DNAJC24: variants seen among roughly 807,000 people sequenced by gnomAD.
DNAJC24 encodes the protein dnaJ homolog subfamily C member 24.
DNAJC24 carries 17 observed loss-of-function variants against 18.0 expected under a neutral mutation model. The ratio of observed to expected loss-of-function variants is 0.94; its 90% CI spans 0.65 to 1.42. The LOEUF is 1.42. Ranked by LOEUF, DNAJC24 falls within the 40% of genes most tolerant of loss-of-function variation. The pLI is 0.00. For missense variants in DNAJC24, 158 were observed against 175.6 expected (o/e 0.90, Z 0.57); for synonymous variants, 55 against 57.7 (o/e 0.95, Z 0.21).
At chr11:31,371,648 T>C (rs1274761747) in intron 2 of DNAJC24, among the ~76,000 whole-genome samples, 1 of 152,140 alleles carries the variant, frequency 6.6e-6, no homozygotes, top group Non-Finnish European at 1.5e-5. Flanking sequence ...CTGGCTATTT[T>C]GTGTTTTATA....
chr11:31,370,688 A>G, intron 1 of DNAJC24, 28 bp from the exon 2 acceptor site: 1 of 1,158,450 alleles, frequency 8.6e-7, no homozygotes, highest in South Asian at 1.5e-5. Flanking sequence ...GCAAACTGTG[A>G]TGAATTGTCA....
chr11:31,386,653 A>G lies in DNAJC24; in HGVS notation c.111+15794A>G, dbSNP rs539810409. Reference sequence around the variant, plus strand: ...AGACGCAGGGCTGTGCTGGCTTCAGATGTGACCCACCACATTTTCAGCTAT... The same window carrying G: ...AGACGCAGGGCTGTGCTGGCTTCAGGTGTGACCCACCACATTTTCAGCTAT... On this transcript the variant is annotated intron_variant, in intron 2 of 4. Coordinates refer to ENST00000465995, the MANE Select transcript of DNAJC24 (RefSeq NM_181706.5). Among the ~76,000 whole-genome samples, 7 of 151,584 alleles carry G rather than the reference A, an allele frequency of 4.6e-5. No homozygotes were observed. In the East Asian group the frequency reaches 1.2e-3, roughly 26 times the overall value.
intron 2 of DNAJC24, among the ~76,000 whole-genome samples, chr11:31,376,357 G>A (rs1408165917): frequency 6.6e-6 from 1 of 152,082 alleles, no homozygotes; most frequent in African/African-American, 2.4e-5. Context: ...TTTCTTGGTT[G>A]ATGTATCAGT....
chr11:31,423,197 A>G (rs1315527528), intron 3 of DNAJC24, among the ~76,000 whole-genome samples: 1 of 152,216 alleles, frequency 6.6e-6, no homozygotes. Flanking sequence ...CATAAATCTA[A>G]GTGTGTAGCT....
intron 2 of DNAJC24, among the ~76,000 whole-genome samples, chr11:31,412,215 G>A (rs956100373): frequency 2.0e-5 from 3 of 152,066 alleles, no homozygotes; most frequent in Non-Finnish European, 4.4e-5. Context: ...GGCTTTCTGG[G>A]TCAGATTGGT....
chr11:31,412,232 T>A (rs1434450180), intron 2 of DNAJC24, among the ~76,000 whole-genome samples: 1 of 152,152 alleles, frequency 6.6e-6, no homozygotes, highest in African/African-American at 2.4e-5. Flanking sequence ...TGGTGCATGA[T>A]CAGGCCTAAC....
Position 31,432,410 on chromosome 11 carries a change from A to G in DNAJC24, c.*2009A>G, listed in dbSNP as rs1952936069. ...TAAAAACAACTAAAACTGAATAGCA[A>G]ATAGTTTATTGGTAAGTACACGGTT... is the stretch of plus-strand genomic sequence containing the variant. On this transcript the variant is annotated 3_prime_UTR_variant, in exon 5 of 5. Coordinates refer to ENST00000465995, the MANE Select transcript of DNAJC24 (RefSeq NM_181706.5). 2.4e-6 allele frequency: 2 copies of G among 847,228 alleles called. No individual in the cohort carries two copies. Among genetic ancestry groups the G allele is most frequent in the African/African-American group, 1.7e-5 (1 of 59,132 alleles). 52.5% of individuals were successfully genotyped at this position (847,228 alleles called of 1,614,324 possible). A position where few individuals can be genotyped will look rare whatever the true frequency, so the allele number is the denominator to read the frequency against.
chr11:31,429,127 A>C (rs1952893148), intron 4 of DNAJC24, among the ~76,000 whole-genome samples: 1 of 152,032 alleles, frequency 6.6e-6, no homozygotes, highest in Non-Finnish European at 1.5e-5. Context: ...TTGCATTTGG[A>C]ATTCAAGATT....
At chr11:31,424,896 G>A (rs1344801127) in intron 3 of DNAJC24, among the ~76,000 whole-genome samples, 1 of 151,958 alleles carries the variant, frequency 6.6e-6, no homozygotes, top group Non-Finnish European at 1.5e-5. Context: ...CTCAGCAAGT[G>A]AACAAGAGAC....
intron 2 of DNAJC24, 51 bp from the exon 3 acceptor site, chr11:31,414,760 C>A (rs765553453): frequency 3.3e-6 from 5 of 1,532,952 alleles, no homozygotes; most frequent in Non-Finnish European, 4.4e-6. Flanking sequence ...TAAATCTAAC[C>A]CCACTCAGCT....
chr11:31,370,757 G>C lies in DNAJC24; in HGVS notation c.9G>C (p.Ala3=), dbSNP rs753624685. The change falls in exon 2 of 5, where the codon GCG becomes GCC. Residue 3 remains alanine, a synonymous_variant. Transcript: ENST00000465995. The stretch of plus-strand genomic sequence containing the variant: ...CACTTCTGGTTCCATGGATGATGGC[G>C]GTTGAGCAGATGCCAAAAAAGGATT... MM[A]VEQMPKKDWY... is the part of the protein sequence containing the mutation. The C allele has an allele frequency of 1.2e-6, 2 of 1,607,266 alleles. No homozygotes were observed. The highest frequency in any genetic ancestry group is 1.3e-5 in the African/African-American group (1 of 74,690).
At chr11:31,414,417 G>A (rs1160990724) in intron 2 of DNAJC24, among the ~76,000 whole-genome samples, 1 of 152,154 alleles carries the variant, frequency 6.6e-6, no homozygotes, top group Non-Finnish European at 1.5e-5. Flanking sequence ...CTATAGGTAG[G>A]CACATTGTGT....
intron 2 of DNAJC24, among the ~76,000 whole-genome samples, chr11:31,405,098 G>C (rs1031410212): frequency 2.8e-5 from 4 of 142,760 alleles, no homozygotes; most frequent in African/African-American, 1.0e-4. Flanking sequence ...TTGAGACAGA[G>C]TCTCCACTCT....
chr11:31,414,209 A>C (rs149771693), intron 2 of DNAJC24, among the ~76,000 whole-genome samples: 1 of 152,200 alleles, frequency 6.6e-6, no homozygotes, highest in East Asian at 1.9e-4. Flanking sequence ...TGAATTCTTT[A>C]AAGTTATTTC....
intron 3 of DNAJC24, chr11:31,417,064 G>A (rs1034603585): frequency 6.6e-6 from 1 of 152,082 alleles, no homozygotes; most frequent in African/African-American, 2.4e-5. Flanking sequence ...TACAATATCA[G>A]TTTGCTCTGC....
At chr11:31,425,378 T>C (rs554322373) in intron 3 of DNAJC24, among the ~76,000 whole-genome samples, 3 of 152,350 alleles carry the variant, frequency 2.0e-5, no homozygotes, top group Admixed American at 6.5e-5. Context: ...TCATTTGATA[T>C]GGAGAACAGC....
At chr11:31,426,136 A>C in intron 3 of DNAJC24, 151 bp from the exon 4 acceptor site, 1 of 534,422 alleles carries the variant, frequency 1.9e-6, no homozygotes, top group Non-Finnish European at 3.2e-6. Flanking sequence ...GGTTACTTTA[A>C]CACTGCTGTC....
chr11:31,374,219 TA>T, intron 2 of DNAJC24: 1 of 277,804 alleles, frequency 3.6e-6, no homozygotes, highest in South Asian at 3.2e-5. Context: ...AGTATGCTGT[TA>T]GGTGTATGTT....
intron 2 of DNAJC24, among the ~76,000 whole-genome samples, chr11:31,377,564 T>A (rs1159142820): frequency 1.3e-5 from 2 of 152,138 alleles, no homozygotes; most frequent in Non-Finnish European, 2.9e-5. Context: ...TGTGAATTGA[T>A]TTTTAAAATT....
Sources: allele counts gnomAD v4.1 joint callset (sites outside exome capture counted in the v4.1 genomes callset), GRCh38; gene constraint gnomAD v4.1.1; transcripts MANE v1.5; gene names NCBI Gene and HGNC (gene_info 2026-07-23, HGNC 2026-07-21).